The following TMEM38B variants were observed in gnomAD, a reference collection of about 807,000 sequenced individuals.
TMEM38B encodes the protein transmembrane protein 38B.
Under a neutral mutation model 28.7 loss-of-function variants are expected in TMEM38B, and 24 were observed. That is an observed-to-expected ratio of 0.84 (90% CI 0.61 to 1.18). TMEM38B has a LOEUF of 1.18. TMEM38B is among the 50% of genes most tolerant of loss of function. TMEM38B has a pLI of 0.00. For synonymous variants in TMEM38B, 131 were observed against 127.7 expected (o/e 1.03, Z -0.17); for missense variants, 380 against 350.9 (o/e 1.08, Z -0.66).
intron 4 of TMEM38B, among the ~76,000 whole-genome samples, chr9:105,728,252 C>G (rs553254703): frequency 6.6e-6 from 1 of 150,982 alleles, no homozygotes; most frequent in South Asian, 2.1e-4. Context: ...AGCCCCCCAG[C>G]CCCCAACAAG....
chr9:105,699,919 T>C (rs928155511), intron 1 of TMEM38B, among the ~76,000 whole-genome samples: 7 of 152,210 alleles, frequency 4.6e-5, no homozygotes, highest in Non-Finnish European at 7.3e-5. Flanking sequence ...TGGTTGCTAG[T>C]GAGAAGCCAT....
intron 4 of TMEM38B, among the ~76,000 whole-genome samples, chr9:105,727,387 C>A (rs900734162): frequency 3.9e-5 from 6 of 152,144 alleles, no homozygotes; most frequent in Non-Finnish European, 5.9e-5. Flanking sequence ...TAGCAAATGG[C>A]AAGATCTCCC....
chr9:105,767,662 A>G, intron 5 of TMEM38B, among the ~76,000 whole-genome samples: 1 of 152,232 alleles, frequency 6.6e-6, no homozygotes, highest in East Asian at 1.9e-4. Context: ...GTTAAATTTA[A>G]ATTTATCCTG....
chr9:105,705,601 A>T lies in TMEM38B; in HGVS notation c.117A>T (p.Ala39=). 1 of 1,612,340 alleles carries T rather than the reference A, an allele frequency of 6.2e-7. No individual in the cohort carries two copies. The highest frequency in any genetic ancestry group is 8.5e-7 in the Non-Finnish European group (1 of 1,179,132). Reference sequence around the variant, plus strand: ...TATTTTACTTTACCATTTCAGGAGCAGCTGCATTGGCATGGAAGAATCCTA... The same window carrying T: ...TATTTTACTTTACCATTTCAGGAGCTGCTGCATTGGCATGGAAGAATCCTA... The part of the protein sequence containing the change: ...SVMAVKRQPG[A]AALAWKNPIS... Residue 39 remains alanine (A), a synonymous_variant, in exon 2 of 6, where the codon GCA becomes GCT. Coordinates refer to ENST00000374692, the MANE Select transcript of TMEM38B (RefSeq NM_018112.3).
intron 2 of TMEM38B, among the ~76,000 whole-genome samples, chr9:105,711,512 A>G (rs1236110358): frequency 6.6e-6 from 1 of 152,118 alleles, no homozygotes; most frequent in Non-Finnish European, 1.5e-5. Context: ...CTAATGAATT[A>G]TTATAAGGTA....
intron 5 of TMEM38B, chr9:105,759,089 A>G: frequency 3.8e-6 from 3 of 796,822 alleles, no homozygotes; most frequent in Non-Finnish European, 6.9e-6. Context: ...AGTGCCTAGC[A>G]AATTGGCCAA....
Position 105,731,654 on chromosome 9 carries a change from G to C in TMEM38B, c.542+9033G>C, listed in dbSNP as rs186274598. ...CATGAACTCATCCTTTTTTATGGCT[G>C]CATAGTATTCCATGGTGTATATGTG... On this transcript the variant is annotated intron_variant, in intron 4 of 5. Coordinates refer to ENST00000374692, the MANE Select transcript of TMEM38B (RefSeq NM_018112.3). Among the ~76,000 whole-genome samples, 98 of 152,196 alleles carry C rather than the reference G, an allele frequency of 6.4e-4. No homozygotes were observed. The East Asian group carries it at 0.018, about 29-fold the overall frequency.
At chr9:105,753,635 C>G (rs1283822118) in intron 5 of TMEM38B, among the ~76,000 whole-genome samples, 1 of 152,122 alleles carries the variant, frequency 6.6e-6, no homozygotes, top group Non-Finnish European at 1.5e-5. Flanking sequence ...TCATGACCAC[C>G]AGGCCTGCTT....
At chr9:105,758,881 T>C (rs1197926260) in intron 5 of TMEM38B, 1 of 1,051,030 alleles carries the variant, frequency 9.5e-7, no homozygotes, top group Non-Finnish European at 1.5e-6. Flanking sequence ...CAGGAAGATG[T>C]TGAAGAAATT....
intron 5 of TMEM38B, among the ~76,000 whole-genome samples, chr9:105,755,544 G>A (rs1837804494): frequency 6.6e-6 from 1 of 152,174 alleles, no homozygotes; most frequent in Non-Finnish European, 1.5e-5. Flanking sequence ...GACTATTCTG[G>A]ATCACTACCA....
chr9:105,709,162 A>G (rs1291670137), intron 2 of TMEM38B, among the ~76,000 whole-genome samples: 5 of 152,302 alleles, frequency 3.3e-5, no homozygotes, highest in African/African-American at 1.2e-4. Context: ...TAATCTAATT[A>G]TAGCACCCAG....
At chr9:105,725,576 C>T (rs918200382) in intron 4 of TMEM38B, among the ~76,000 whole-genome samples, 2 of 152,038 alleles carry the variant, frequency 1.3e-5, no homozygotes, top group African/African-American at 2.4e-5. Flanking sequence ...GTATAGTCTA[C>T]TACACACCTA....
intron 5 of TMEM38B, chr9:105,759,311 A>T (rs1007059948): frequency 2.3e-6 from 2 of 886,200 alleles, no homozygotes; most frequent in Non-Finnish European, 3.7e-6. Flanking sequence ...AGTCTTAAAA[A>T]TTCCTTCACA....
chr9:105,753,460 T>C (rs1181882992), intron 5 of TMEM38B, among the ~76,000 whole-genome samples: 1 of 152,084 alleles, frequency 6.6e-6, no homozygotes, highest in African/African-American at 2.4e-5. Context: ...AGACTAACAG[T>C]GGACCTCTCA....
rs1826723157 is a variant in TMEM38B at position 105,776,548 on chromosome 9, T to C, written c.*2468T>C. 6.6e-6 allele frequency: 1 copy of C among 152,168 alleles called. No homozygotes were observed. The allele number at this position is 152,168 out of a possible 1,614,324, so 9.4% of individuals were successfully genotyped here. On this transcript the variant is annotated 3_prime_UTR_variant, in exon 6 of 6. Transcript: ENST00000374692. Reference sequence around the variant, plus strand: ...TTACAATTGAGTGGAACATCCCATGTTGTAAATGGAATAATGTGTTCAGAA... The same window carrying C: ...TTACAATTGAGTGGAACATCCCATGCTGTAAATGGAATAATGTGTTCAGAA...
rs1564415105 is a variant in TMEM38B at position 105,759,674 on chromosome 9, C to T, written c.660+11484C>T. 41 of 1,600,902 alleles carry T rather than the reference C, an allele frequency of 2.6e-5. No homozygotes were observed. The South Asian group carries it at 4.3e-4, about 17-fold the overall frequency. ...TTTCCAAACATAGAAGGACAAAATA[C>T]TAAACTGTTTTTAGAGTCTAAGCCC... On this transcript the variant is annotated intron_variant, in intron 5 of 5. Transcript: ENST00000374692.
chr9:105,750,738 T>A (rs1161134843), intron 5 of TMEM38B, among the ~76,000 whole-genome samples: 3 of 152,228 alleles, frequency 2.0e-5, no homozygotes, highest in Non-Finnish European at 4.4e-5. Flanking sequence ...TCATGAAGAT[T>A]TACCTCTATA....
In TMEM38B at chr9:105,736,142, G is replaced by C. The variant is rs143256269; in HGVS notation, c.543-11931G>C. Among the ~76,000 whole-genome samples the C allele has an allele frequency of 8.0e-3, 1,190 of 148,948 alleles. 9 individuals are homozygous for C. Among genetic ancestry groups the C allele is most frequent in the African/African-American group, 0.027 (1,110 of 40,494 alleles). On this transcript the variant is annotated intron_variant, in intron 4 of 5. Coordinates refer to ENST00000374692, the MANE Select transcript of TMEM38B (RefSeq NM_018112.3). ...TGGCCTCAAGCAGCCCTCTCATTTT[G>C]GCTTTCCAGAGTGCTGGGATTACAT...
chr9:105,770,013 T>C (rs2133654389), intron 5 of TMEM38B, among the ~76,000 whole-genome samples: 1 of 152,292 alleles, frequency 6.6e-6, no homozygotes, highest in Non-Finnish European at 1.5e-5. Flanking sequence ...ATGTATTGTT[T>C]AATACATGAA....
Sources: allele counts gnomAD v4.1 joint callset (sites outside exome capture counted in the v4.1 genomes callset), GRCh38; gene constraint gnomAD v4.1.1; transcripts MANE v1.5; gene names NCBI Gene and HGNC (gene_info 2026-07-23, HGNC 2026-07-21).